AZIN2: variants seen among roughly 807,000 people sequenced by gnomAD.
AZIN2 encodes the protein antizyme inhibitor 2.
Under a neutral mutation model 47.8 loss-of-function variants are expected in AZIN2, and 28 were observed. That is an observed-to-expected ratio of 0.59 (90% CI 0.43 to 0.80). The LOEUF is 0.80. Ranked by LOEUF, AZIN2 falls within the 30% of genes least tolerant of loss-of-function variation. The pLI, the probability that AZIN2 is intolerant of heterozygous loss-of-function variation, is 0.00. For synonymous variants in AZIN2, 221 were observed against 239.4 expected (o/e 0.92, Z 0.71); for missense variants, 535 against 582.5 (o/e 0.92, Z 0.84).
chr1:33,096,858 C>T lies in AZIN2; in HGVS notation c.905C>T (p.Pro302Leu). 6.2e-7 allele frequency: 1 copy of T among 1,614,132 alleles called. No homozygotes were observed. Among genetic ancestry groups the T allele is most frequent in the Non-Finnish European group, 8.5e-7 (1 of 1,180,016 alleles). ...AAGAAGGAGGTTCTGCTAGACCAGC[C>T]TGGCAGGGAGGGTAGGTGCCAGGTG... Reference protein sequence around the residue: ...IAKKEVLLDQPGREEENGSTS... With the variant: ...IAKKEVLLDQLGREEENGSTS... Residue 302 changes from proline (P) to leucine (L), a missense_variant, in exon 9 of 12, where the codon CCT becomes CTT. Transcript: ENST00000294517.
At chr1:33,133,295 C>A in the AZIN2 span, among the ~76,000 whole-genome samples, 2 of 152,254 alleles carry the variant, frequency 1.3e-5, no homozygotes, top group Non-Finnish European at 2.9e-5. Flanking sequence ...TCCCTGTCGC[C>A]TCAAGAGAGG....
At chr1:33,161,199 A>G in the AZIN2 span, among the ~76,000 whole-genome samples, 2 of 152,254 alleles carry the variant, frequency 1.3e-5, no homozygotes, top group Non-Finnish European at 2.9e-5. The surrounding 1 kb of genome is among the most constrained non-coding windows in gnomAD (Gnocchi z 4.3). Flanking sequence ...TGCAATTCTA[A>G]TAAGCGTTTC....
At chr1:33,093,508 C>G in intron 7 of AZIN2, 92 bp downstream of exon 7, 1 of 1,476,068 alleles carries the variant, frequency 6.8e-7, no homozygotes, top group Non-Finnish European at 9.1e-7. Context: ...TCCCCAGGGC[C>G]TCTGAGTAGG....
At position 33,103,252 on chromosome 1, in the gene AZIN2, C is replaced by T. The variant is rs115210444; in HGVS notation, c.1029+5073C>T. Among the ~76,000 whole-genome samples, 201 of 152,248 alleles carry T rather than the reference C, an allele frequency of 1.3e-3. 2 individuals carry two copies. The highest frequency in any genetic ancestry group is 4.6e-3 in the African/African-American group (190 of 41,536). ...TGCTCTCAGAATAAAACCTAGACTC[C>T]TTACCACAACGAGCAAGGCTCCTGC... On this transcript the variant is annotated intron_variant, in intron 10 of 11. Coordinates refer to ENST00000294517, the MANE Select transcript of AZIN2 (RefSeq NM_052998.4).
chr1:33,159,881 G>T, the AZIN2 span: 1 of 1,611,672 alleles, frequency 6.2e-7, no homozygotes. This position sits in a 1 kb window ranked among gnomAD's most constrained non-coding sequence, Gnocchi z 4.2. Flanking sequence ...TGGCGTTCAC[G>T]CAGCAGCCGG....
In AZIN2 at chr1:33,087,134, A is replaced by ATT. The variant is rs57034814; in HGVS notation, c.279+3022_279+3023dup. On this transcript the variant is annotated intron_variant, in intron 5 of 11. Transcript: ENST00000294517. ...AGGATGGTTTTGGTGGATATGTAGT[A>ATT]TTTTTTTTTTTTTTTTGAGATAGAG... Among the ~76,000 whole-genome samples, 596 of 142,712 alleles carry ATT rather than the reference A, an allele frequency of 4.2e-3. 2 individuals carry two copies. The highest frequency in any genetic ancestry group is 7.0e-3 in the Non-Finnish European group (451 of 64,630). 93.6% of individuals were successfully genotyped at this position (142,712 alleles called of 152,430 possible).
At chr1:33,149,238 C>T in the AZIN2 span, among the ~76,000 whole-genome samples, 1 of 152,326 alleles carries the variant, frequency 6.6e-6, no homozygotes, top group African/African-American at 2.4e-5. Context: ...CTGCAACCTC[C>T]ACCTCCCAGG....
the AZIN2 span, among the ~76,000 whole-genome samples, chr1:33,149,796 G>T: frequency 3.9e-5 from 6 of 152,102 alleles, no homozygotes; most frequent in African/African-American, 7.2e-5. Context: ...ACTGGCGTGG[G>T]GTATTATCTT....
chr1:33,090,137 C>T (rs775887235), intron 5 of AZIN2, among the ~76,000 whole-genome samples: 3 of 152,244 alleles, frequency 2.0e-5, no homozygotes, highest in African/African-American at 7.2e-5. Flanking sequence ...TATTGACTCA[C>T]AGCCACATTC....
chr1:33,161,040 C>T, the AZIN2 span, among the ~76,000 whole-genome samples: 3 of 152,208 alleles, frequency 2.0e-5, no homozygotes, highest in Admixed American at 6.5e-5. This position sits in a 1 kb window ranked among gnomAD's most constrained non-coding sequence, Gnocchi z 4.3. Context: ...GCTATGGCAA[C>T]GTCAGTTGCC....
At chr1:33,097,825 G>T (rs926055967) in intron 9 of AZIN2, among the ~76,000 whole-genome samples, 1 of 152,176 alleles carries the variant, frequency 6.6e-6, no homozygotes, top group African/African-American at 2.4e-5. Flanking sequence ...TAGGGGCTCA[G>T]ATGCAAGCAG....
At chr1:33,130,900 C>G in the AZIN2 span, among the ~76,000 whole-genome samples, 1 of 152,100 alleles carries the variant, frequency 6.6e-6, no homozygotes, top group South Asian at 2.1e-4. Flanking sequence ...GGAAAAAGAA[C>G]AGAAGACATT....
At chr1:33,123,773 C>A (rs561649142), downstream of AZIN2, among the ~76,000 whole-genome samples, 64 of 151,932 alleles carry the variant, frequency 4.2e-4, no homozygotes, top group African/African-American at 1.1e-3. Flanking sequence ...CCAAGGCAGG[C>A]GGATCACGAG....
Position 33,113,517 on chromosome 1 carries a change from A to G in AZIN2, c.1030-4385A>G, listed in dbSNP as rs1644380674. On this transcript the variant is annotated intron_variant, in intron 10 of 11. Transcript: ENST00000294517. This position sits in a 1 kb window ranked among gnomAD's most constrained non-coding sequence, Gnocchi z 4.1. ...GTAATATTTTATTTCTTCATCTTCT[A>G]TGTATTATGCTTTTTTGTTTCTTTT... Among the ~76,000 whole-genome samples, 2 of 152,100 alleles carry G rather than the reference A, an allele frequency of 1.3e-5. No individual in the cohort carries two copies. Among genetic ancestry groups the G allele is most frequent in the Admixed American group, 1.3e-4 (2 of 15,266 alleles).
Position 33,120,351 on chromosome 1 carries a change from A to T in AZIN2, c.*169A>T. 2 of 882,164 alleles carry T rather than the reference A, an allele frequency of 2.3e-6. No individual in the cohort carries two copies. The highest frequency in any genetic ancestry group is 2.7e-5 in the East Asian group (1 of 37,056). 54.6% of individuals were successfully genotyped at this position (882,164 alleles called of 1,614,324 possible). ...GCCCTGTAAATAGGACCAGTCTTAC[A>T]CTCGCTGTAGTTCAAGTATGCAACA... is the stretch of plus-strand genomic sequence containing the variant. On this transcript the variant is annotated 3_prime_UTR_variant, in exon 12 of 12. Coordinates refer to ENST00000294517, the MANE Select transcript of AZIN2 (RefSeq NM_052998.4).
At chr1:33,103,210 C>G (rs1451318482) in intron 10 of AZIN2, among the ~76,000 whole-genome samples, 2 of 152,114 alleles carry the variant, frequency 1.3e-5, no homozygotes, top group African/African-American at 2.4e-5. Context: ...TGCTTAACAC[C>G]ATCTGTGGCT....
intron 10 of AZIN2, among the ~76,000 whole-genome samples, chr1:33,100,047 C>A (rs147667444): frequency 6.6e-6 from 1 of 152,236 alleles, no homozygotes; most frequent in African/African-American, 2.4e-5. Flanking sequence ...TGAGGCCAGG[C>A]GTGGTGGCTC....
At chr1:33,095,667 C>T (rs1372612508) in intron 8 of AZIN2, among the ~76,000 whole-genome samples, 2 of 152,040 alleles carry the variant, frequency 1.3e-5, no homozygotes, top group Admixed American at 6.6e-5. Context: ...TTAGGAGCAC[C>T]GACCCCCTAC....
the AZIN2 span, chr1:33,146,989 G>A: frequency 1.4e-4 from 88 of 627,052 alleles, 1 homozygote; most frequent in South Asian, 1.6e-3. Context: ...ACAGAACATC[G>A]ATGCTGGAAG....
Sources: allele counts gnomAD v4.1 joint callset (sites outside exome capture counted in the v4.1 genomes callset), GRCh38; gene constraint gnomAD v4.1.1; non-coding constraint Gnocchi (gnomAD v3.1); transcripts MANE v1.5; gene names NCBI Gene and HGNC (gene_info 2026-07-23, HGNC 2026-07-21).